Variants in FBXO34 observed in about 807,000 individuals in gnomAD.
FBXO34 encodes F-box protein 34.
In FBXO34, 12 loss-of-function variants were observed where a neutral mutation model predicts 24.5. The observed-to-expected ratio is 0.49, with a 90% CI of 0.31 to 0.79. The LOEUF (loss-of-function observed/expected upper bound fraction) is 0.79. Among genes scored for constraint, FBXO34 ranks in the 30% least tolerant of loss-of-function variants. FBXO34 has a pLI of 0.04. For missense variants in FBXO34, 823 were observed against 857.7 expected (o/e 0.96, Z 0.51); for synonymous variants, 320 against 311.9 (o/e 1.03, Z -0.27).
chr14:55,371,780 G>A (rs1261440723), downstream of FBXO34, among the ~76,000 whole-genome samples: 1 of 151,356 alleles, frequency 6.6e-6, no homozygotes, highest in Non-Finnish European at 1.5e-5. Flanking sequence ...CTCTAGCCTG[G>A]GCGACAGAGC....
chr14:55,283,089 T>C (rs1881615180), intron 1 of FBXO34, among the ~76,000 whole-genome samples: 2 of 152,216 alleles, frequency 1.3e-5, no homozygotes, highest in Admixed American at 1.3e-4. Context: ...TCTTCTTTCT[T>C]GGATGAAGAG....
At position 55,322,266 on chromosome 14, in the gene FBXO34, C is replaced by T. The variant is rs372944037; in HGVS notation, c.-10-28115C>T. Among the ~76,000 whole-genome samples the T allele has an allele frequency of 3.9e-4, 58 of 149,848 alleles. 1 individual carries two copies. The highest frequency in any genetic ancestry group is 1.4e-3 in the African/African-American group (57 of 40,490). Reference sequence around the variant, plus strand: ...CGGAGCTTGCAGTGAGCCGAGATCACGCCACTGCACTCCAGCCTGGGCAAC... The same window carrying T: ...CGGAGCTTGCAGTGAGCCGAGATCATGCCACTGCACTCCAGCCTGGGCAAC... On this transcript the variant is annotated intron_variant, in intron 1 of 1. Transcript: ENST00000313833.
chr14:55,428,456 C>A, the FBXO34 span, among the ~76,000 whole-genome samples: 1 of 151,894 alleles, frequency 6.6e-6, no homozygotes, highest in Non-Finnish European at 1.5e-5. Flanking sequence ...CTGTAGATTA[C>A]TGGATCTCAA....
the FBXO34 span, among the ~76,000 whole-genome samples, chr14:55,429,283 G>C: frequency 6.6e-6 from 1 of 152,234 alleles, no homozygotes; most frequent in African/African-American, 2.4e-5. Context: ...TTCGCAAAGT[G>C]TGTCCCCAGA....
chr14:55,283,944 A>ATGTGTGTG (rs71131258), intron 1 of FBXO34, among the ~76,000 whole-genome samples: 1,590 of 142,656 alleles, frequency 0.011, 19 homozygotes, highest in African/African-American at 0.039. Flanking sequence ...TTCTAAGACT[A>ATGTGTGTG]TGTGTGTGTG....
At chr14:55,419,114 C>T in the FBXO34 span, among the ~76,000 whole-genome samples, 1 of 152,218 alleles carries the variant, frequency 6.6e-6, no homozygotes, top group Admixed American at 6.5e-5. Flanking sequence ...AAGAAGTTGG[C>T]CAGGAGACCA....
At chr14:55,411,431 C>T in the FBXO34 span, among the ~76,000 whole-genome samples, 1 of 152,218 alleles carries the variant, frequency 6.6e-6, no homozygotes, top group Non-Finnish European at 1.5e-5. Flanking sequence ...GGCCCCTACG[C>T]TGTCCTCTGG....
chr14:55,340,259 T>C, intron 1 of FBXO34, among the ~76,000 whole-genome samples: 1 of 152,162 alleles, frequency 6.6e-6, no homozygotes, highest in Non-Finnish European at 1.5e-5. Context: ...GTTTGCTTGC[T>C]TTTGAGACCA....
At chr14:55,369,705 T>C, downstream of FBXO34, 1 of 1,609,092 alleles carries the variant, frequency 6.2e-7, no homozygotes, top group East Asian at 2.2e-5. Flanking sequence ...CTGCTCGCGA[T>C]GGGTGGGGAC....
At chr14:55,402,853 T>C in the FBXO34 span, among the ~76,000 whole-genome samples, 1 of 103,934 alleles carries the variant, frequency 9.6e-6, no homozygotes, top group Non-Finnish European at 1.8e-5. Flanking sequence ...TTGAATCGAG[T>C]TCAAGACCAG....
At chr14:55,316,104 C>G (rs1594746939) in intron 1 of FBXO34, among the ~76,000 whole-genome samples, 1 of 150,798 alleles carries the variant, frequency 6.6e-6, no homozygotes, top group African/African-American at 2.4e-5. Context: ...TTTTAGTCTT[C>G]TTTTTTTTTG....
chr14:55,418,406 T>C, the FBXO34 span, among the ~76,000 whole-genome samples: 1 of 152,262 alleles, frequency 6.6e-6, no homozygotes. Context: ...CATCAAGTCA[T>C]AACTGCACAT....
chr14:55,306,166 A>G (rs536118973), intron 1 of FBXO34, among the ~76,000 whole-genome samples: 19 of 152,362 alleles, frequency 1.2e-4, no homozygotes, highest in African/African-American at 4.6e-4. Context: ...TGTGAACACT[A>G]AACTTCCAAA....
chr14:55,316,977 C>A (rs536171311), intron 1 of FBXO34, among the ~76,000 whole-genome samples: 1 of 152,114 alleles, frequency 6.6e-6, no homozygotes, highest in Non-Finnish European at 1.5e-5. Flanking sequence ...TATGCAAGTA[C>A]GGCTTATCAA....
intron 1 of FBXO34, among the ~76,000 whole-genome samples, chr14:55,315,906 G>A (rs1175735842): frequency 1.3e-5 from 2 of 152,088 alleles, no homozygotes; most frequent in Non-Finnish European, 2.9e-5. Flanking sequence ...GCATTATTTT[G>A]TTGATGACTT....
At chr14:55,379,981 G>A in the FBXO34 span, among the ~76,000 whole-genome samples, 1 of 152,102 alleles carries the variant, frequency 6.6e-6, no homozygotes, top group African/African-American at 2.4e-5. Flanking sequence ...GGGCACAGTG[G>A]CTCACCTGTA....
intron 1 of FBXO34, among the ~76,000 whole-genome samples, chr14:55,319,774 T>A (rs947169507): frequency 3.3e-5 from 5 of 152,110 alleles, no homozygotes; most frequent in African/African-American, 1.2e-4. Context: ...CTCCCGGGTT[T>A]ACGCCATTCT....
chr14:55,273,186 TCC>T (rs1881216076), intron 1 of FBXO34, among the ~76,000 whole-genome samples: 1 of 151,930 alleles, frequency 6.6e-6, no homozygotes, highest in African/African-American at 2.4e-5. Context: ...TTTTTTTTTT[TCC>T]TCTCTCTCAA....
At chr14:55,437,611 T>C in the FBXO34 span, among the ~76,000 whole-genome samples, 680 of 152,368 alleles carry the variant, frequency 4.5e-3, 5 homozygotes, top group African/African-American at 0.016. Context: ...ACTCTCTAAG[T>C]CCAATTTTGC....
Sources: allele counts gnomAD v4.1 joint callset (sites outside exome capture counted in the v4.1 genomes callset), GRCh38; gene constraint gnomAD v4.1.1; transcripts MANE v1.5; gene names NCBI Gene and HGNC (gene_info 2026-07-23, HGNC 2026-07-21).